Variants in KAT6A observed in about 807,000 individuals in gnomAD.
KAT6A encodes the protein lysine acetyltransferase 6A.
Under a neutral mutation model 198.4 loss-of-function variants are expected in KAT6A, and 9 were observed. The observed-to-expected ratio is 0.05, with a 90% CI of 0.03 to 0.08. The LOEUF (loss-of-function observed/expected upper bound fraction) is 0.08. Ranked by LOEUF, KAT6A falls within the 10% of genes least tolerant of loss-of-function variation. The pLI, the probability that KAT6A is intolerant of heterozygous loss-of-function variation, is 1.00. For synonymous variants in KAT6A, 890 were observed against 883.0 expected, an observed-to-expected ratio of 1.01 and a Z score of -0.14; for missense variants, 2,077 against 2,509.9, an observed-to-expected ratio of 0.83 and a Z score of 3.69.
intron 2 of KAT6A, among the ~76,000 whole-genome samples, chr8:42,034,057 GA>G (rs955395500): frequency 2.0e-5 from 3 of 152,102 alleles, no homozygotes; most frequent in African/African-American, 7.2e-5. Flanking sequence ...GAAACAGAAA[GA>G]AACTTGACTA....
chr8:41,964,243 AT>A (rs1823346325), intron 8 of KAT6A, among the ~76,000 whole-genome samples: 1 of 152,186 alleles, frequency 6.6e-6, no homozygotes, highest in South Asian at 2.1e-4. Context: ...CATTTGTAAG[AT>A]GAGGCCAAGT....
chr8:42,045,562 C>CAAA (rs373672997), intron 2 of KAT6A, among the ~76,000 whole-genome samples: 18 of 74,038 alleles, frequency 2.4e-4, no homozygotes, highest in African/African-American at 7.6e-4. Context: ...AATTCCATCT[C>CAAA]AAAAAAAAAA....
intron 11 of KAT6A, among the ~76,000 whole-genome samples, chr8:41,947,511 T>C (rs1415900015): frequency 6.6e-6 from 1 of 152,218 alleles, no homozygotes; most frequent in Non-Finnish European, 1.5e-5. Context: ...AGAGAAGCCA[T>C]TTAAAACCTT....
At chr8:42,023,864 A>G (rs1384071263) in intron 2 of KAT6A, among the ~76,000 whole-genome samples, 1 of 151,938 alleles carries the variant, frequency 6.6e-6, no homozygotes, top group Non-Finnish European at 1.5e-5. Context: ...ACTTTTTGTT[A>G]AGCATTAAAA....
rs746257142 is a variant in KAT6A, at chr8:41,943,933, T to C, written c.2043A>G (p.Lys681=). The C allele has an allele frequency of 6.2e-7, 1 of 1,613,904 alleles. No individual in the cohort carries two copies. Among genetic ancestry groups the C allele is most frequent in the Non-Finnish European group, 8.5e-7 (1 of 1,179,960 alleles). The change falls in exon 13 of 17, where the codon AAA becomes AAG. Residue 681 remains lysine, a synonymous_variant. Coordinates refer to ENST00000265713, the MANE Select transcript of KAT6A (RefSeq NM_006766.5). ...AAAGACGACCCAGATCAGATAACGG[T>C]TTCTCTGGAGACCCTGCTTGGCCTT... is the stretch of plus-strand genomic sequence containing the variant. ...KREGQAGSPE[K]PLSDLGRLSY...
In KAT6A at chr8:42,015,509, C is replaced by G. The variant is rs570171921; in HGVS notation, c.601-27946G>C. 1.2e-4 allele frequency among the ~76,000 whole-genome samples: 19 copies of G among 152,338 alleles called. No homozygotes were observed. The South Asian group carries it at 3.9e-3, about 32-fold the overall frequency. On this transcript the variant is annotated intron_variant, in intron 2 of 16. Transcript: ENST00000265713. ...GTAAGAGACACTGAACACTTACCTT[C>G]AAGGCGCTTACAAATTAGTGATCTA...
intron 2 of KAT6A, among the ~76,000 whole-genome samples, chr8:42,013,115 A>G (rs1826099263): frequency 6.7e-6 from 1 of 149,318 alleles, no homozygotes; most frequent in South Asian, 2.1e-4. Flanking sequence ...CTATATCTTG[A>G]TTGTGGTGAT....
chr8:41,978,071 C>T (rs1384681158), intron 6 of KAT6A, among the ~76,000 whole-genome samples: 3 of 152,154 alleles, frequency 2.0e-5, no homozygotes, highest in Non-Finnish European at 4.4e-5. Context: ...AGACATAGCC[C>T]AGCTTTCTAG....
intron 2 of KAT6A, among the ~76,000 whole-genome samples, chr8:42,006,628 T>C (rs537059143): frequency 6.6e-5 from 10 of 152,284 alleles, no homozygotes; most frequent in African/African-American, 2.4e-4. Flanking sequence ...TTTGGAACTT[T>C]TTGGATTTGG....
chr8:42,050,694 G>T (rs1313590099), intron 1 of KAT6A, among the ~76,000 whole-genome samples: 6 of 152,132 alleles, frequency 3.9e-5, no homozygotes, highest in Admixed American at 3.3e-4. Context: ...CTCCAAGTAA[G>T]CTCATTATAC....
chr8:42,010,438 T>C (rs181469781), intron 2 of KAT6A, among the ~76,000 whole-genome samples: 2 of 152,320 alleles, frequency 1.3e-5, no homozygotes, highest in East Asian at 3.9e-4. Flanking sequence ...TTCAACTTTA[T>C]CCATAAAGCA....
chr8:41,999,749 T>G (rs1458269150), intron 2 of KAT6A, among the ~76,000 whole-genome samples: 1 of 152,220 alleles, frequency 6.6e-6, no homozygotes, highest in Non-Finnish European at 1.5e-5. Context: ...CAAAGTCGTT[T>G]GTATCTCCAC....
intron 12 of KAT6A, 92 bp downstream of exon 12, chr8:41,946,487 TATATATACACAC>T (rs1413776170): frequency 6.7e-6 from 3 of 448,782 alleles, no homozygotes; most frequent in African/African-American, 3.6e-5. Flanking sequence ...TTTAAATATA[TATATATACACAC>T]ACACACACAC....
chr8:41,949,504 G>C (rs570647446), intron 9 of KAT6A, 141 bp from the exon 10 acceptor site: 36 of 457,232 alleles, frequency 7.9e-5, no homozygotes, highest in Non-Finnish European at 1.2e-4. Flanking sequence ...AATACTGGAC[G>C]GTAAAATGAC....
At chr8:41,992,058 G>A (rs757645764) in intron 2 of KAT6A, among the ~76,000 whole-genome samples, 3 of 151,956 alleles carry the variant, frequency 2.0e-5, no homozygotes, top group Admixed American at 6.6e-5. Flanking sequence ...AAAATTATCC[G>A]GGTACGGTGG....
intron 12 of KAT6A, among the ~76,000 whole-genome samples, chr8:41,945,261 G>A (rs1183141408): frequency 6.6e-6 from 1 of 151,592 alleles, no homozygotes; most frequent in Admixed American, 6.6e-5. Flanking sequence ...CAAAAATACG[G>A]CAGGTATAGT....
chr8:41,980,550 A>G (rs770019851), intron 5 of KAT6A, among the ~76,000 whole-genome samples: 9 of 152,198 alleles, frequency 5.9e-5, no homozygotes, highest in Non-Finnish European at 1.2e-4. Context: ...AGATATATTT[A>G]AGGCAAGTAT....
chr8:41,940,792 A>T (rs758227000), intron 15 of KAT6A, 50 bp downstream of exon 15: 2 of 1,563,548 alleles, frequency 1.3e-6, no homozygotes, highest in African/African-American at 1.4e-5. Flanking sequence ...GAGAAGGTGT[A>T]AGATAAACTG....
chr8:42,014,670 C>T (rs1826184136), intron 2 of KAT6A, among the ~76,000 whole-genome samples: 1 of 151,988 alleles, frequency 6.6e-6, no homozygotes, highest in Non-Finnish European at 1.5e-5. Flanking sequence ...AATAAGAAAA[C>T]AGAAAAAGAT....
Sources: gnomAD v4.1 joint callset for allele counts (sites outside exome capture counted in the v4.1 genomes callset) on GRCh38, gnomAD v4.1.1 for gene constraint, MANE v1.5 for transcripts, NCBI Gene and HGNC (gene_info 2026-07-23, HGNC 2026-07-21) for gene names.